Variants in SDR42E1 observed in about 807,000 individuals in gnomAD.
SDR42E1 encodes the protein short-chain dehydrogenase/reductase family 42E member 1.
In SDR42E1, 5 loss-of-function variants were observed where a neutral mutation model predicts 2.6. The ratio of observed to expected loss-of-function variants is 1.94; its 90% confidence interval spans 1.01 to 4.08. The LOEUF (loss-of-function observed/expected upper bound fraction) is 4.08, where lower values mean the gene tolerates loss of function less well. Among genes scored for constraint, SDR42E1 ranks in the 30% most tolerant of loss-of-function variants. The pLI is 0.00. For missense variants in SDR42E1, 596 were observed against 478.6 expected (o/e 1.25, Z -2.29); for synonymous variants, 231 against 188.3 (o/e 1.23, Z -1.86).
chr16:82,007,323 T>G (rs1355983412), intron 1 of SDR42E1, among the ~76,000 whole-genome samples: 2 of 152,224 alleles, frequency 1.3e-5, no homozygotes, highest in African/African-American at 4.8e-5. Flanking sequence ...TACCAAGTAA[T>G]TGAATTAATA....
At chr16:82,008,934 C>T (rs538859034) in intron 1 of SDR42E1, among the ~76,000 whole-genome samples, 3 of 152,326 alleles carry the variant, frequency 2.0e-5, no homozygotes, top group South Asian at 2.1e-4. Flanking sequence ...CTGCTCTATG[C>T]AGCCTAGGGA....
In SDR42E1 at chr16:81,999,860, G is replaced by T; in HGVS notation, c.433C>A (p.Leu145Ile). 1 of 1,614,216 alleles carries T rather than the reference G, an allele frequency of 6.2e-7. No homozygotes were observed. Among genetic ancestry groups the T allele is most frequent in the Non-Finnish European group, 8.5e-7 (1 of 1,180,044 alleles). ...NGDESLPYLP[L>I]HLHPDHYSRT... is the part of the protein sequence containing the mutation. ...GAGTAGTGATCAGGGTGGAGGTGAA[G>T]AGGCAGGTAGGGCAGAGATTCATCC... The change falls in exon 3 of 3, where the codon CTT becomes ATT. Residue 145 changes from leucine to isoleucine, a missense_variant. By Grantham distance (5) the Leu-to-Ile change is conservative. Coordinates refer to ENST00000328945, the MANE Select transcript of SDR42E1 (RefSeq NM_145168.3).
At position 82,000,234 on chromosome 16, in the gene SDR42E1, G is replaced by T. The variant is rs756037815; in HGVS notation, c.69-10C>A. The T allele has an allele frequency of 6.2e-7, 1 of 1,602,476 alleles. No individual in the cohort carries two copies. Among genetic ancestry groups the T allele is most frequent in the Non-Finnish European group, 8.5e-7 (1 of 1,177,448 alleles). On this transcript the variant is annotated splice_polypyrimidine_tract_variant and intron_variant, in intron 2 of 2. Coordinates refer to ENST00000328945, the MANE Select transcript of SDR42E1 (RefSeq NM_145168.3). ...CAGGGCACAGCCCAGGCTGAAATAA[G>T]AAACAGTAAACGTTGAATCAAGTCA... is the stretch of plus-strand genomic sequence containing the variant.
At position 81,994,388 on chromosome 16, in the gene SDR42E1, A is replaced by T. The variant is rs757943612; in HGVS notation, c.*4723T>A. On this transcript the variant is annotated 3_prime_UTR_variant, in exon 3 of 3. Transcript: ENST00000328945. ...AATCCTAGCTGAAAGGGTTTCTCTA[A>T]ACCTGCTCTGGGAGAAAGGCTGAAA... 6.6e-6 allele frequency: 1 copy of T among 152,228 alleles called. No homozygotes were observed. Among genetic ancestry groups the T allele is most frequent in the Non-Finnish European group, 1.5e-5 (1 of 68,058 alleles). The allele number at this position is 152,228 out of a possible 1,614,324, so 9.4% of individuals were successfully genotyped here. A position where few individuals can be genotyped will look rare whatever the true frequency, so the allele number is the denominator to read the frequency against.
At chr16:82,008,084 G>A (rs1250900771) in intron 1 of SDR42E1, among the ~76,000 whole-genome samples, 1 of 152,084 alleles carries the variant, frequency 6.6e-6, no homozygotes, top group Non-Finnish European at 1.5e-5. Flanking sequence ...AACATCTGAT[G>A]ATTTTATAAA....
At chr16:82,001,262 T>A (rs930629961) in intron 1 of SDR42E1, among the ~76,000 whole-genome samples, 4 of 152,152 alleles carry the variant, frequency 2.6e-5, no homozygotes, top group African/African-American at 9.7e-5. Flanking sequence ...GAAGAGGCAT[T>A]TCCCCCCCAT....
Position 81,993,637 on chromosome 16 carries a change from G to A in SDR42E1, c.*5474C>T, listed in dbSNP as rs984104500. On this transcript the variant is annotated 3_prime_UTR_variant, in exon 3 of 3. Coordinates refer to ENST00000328945, the MANE Select transcript of SDR42E1 (RefSeq NM_145168.3). ...AGAAGCAATAACTGGGGAATCAGCTGTAATTTCAGATAAGGGACCACCTGG... is the reference window on the plus strand; with the variant it reads ...AGAAGCAATAACTGGGGAATCAGCTATAATTTCAGATAAGGGACCACCTGG... The A allele has an allele frequency of 1.3e-5, 2 of 152,176 alleles. No homozygotes were observed. Among genetic ancestry groups the A allele is most frequent in the Admixed American group, 6.5e-5 (1 of 15,268 alleles). The allele number at this position is 152,176 out of a possible 1,614,324, so 9.4% of individuals were successfully genotyped here.
rs1196326921 is a variant in SDR42E1 at position 81,998,325 on chromosome 16, T to A, written c.*786A>T. 5 of 152,196 alleles carry A rather than the reference T, an allele frequency of 3.3e-5. No homozygotes were observed. The highest frequency in any genetic ancestry group is 3.3e-4 in the Admixed American group (5 of 15,288). 9.4% of individuals were successfully genotyped at this position (152,196 alleles called of 1,614,324 possible). On this transcript the variant is annotated 3_prime_UTR_variant, in exon 3 of 3. Transcript: ENST00000328945. ...AATAGAGTATATCCAAATACACTTG[T>A]TGCAGGCTCTGAGGGCACACCCAAA...
intron 2 of SDR42E1, 123 bp downstream of exon 2, chr16:82,000,668 C>T: frequency 1.4e-6 from 1 of 732,170 alleles, no homozygotes; most frequent in Middle Eastern, 3.5e-4. Context: ...CAGTGGGCAA[C>T]ACAGATCATT....
intron 1 of SDR42E1, among the ~76,000 whole-genome samples, chr16:82,008,180 G>A (rs1260799696): frequency 2.0e-5 from 3 of 152,146 alleles, no homozygotes; most frequent in Admixed American, 6.5e-5. Flanking sequence ...ATGATTATGA[G>A]GCCTCCCCAG....
intron 1 of SDR42E1, among the ~76,000 whole-genome samples, chr16:82,002,296 C>A (rs1327356792): frequency 6.6e-6 from 1 of 152,136 alleles, no homozygotes. Context: ...GACGTCTCGC[C>A]TCCGCCCTTA....
In SDR42E1 at chr16:81,999,574, C is replaced by G. The variant is rs1277709699; in HGVS notation, c.719G>C (p.Arg240Thr). 6.2e-7 allele frequency: 1 copy of G among 1,614,128 alleles called. No individual in the cohort carries two copies. The highest frequency in any genetic ancestry group is 8.5e-7 in the Non-Finnish European group (1 of 1,180,040). ...QAHILASEAL[R>T]ADKGHIASGQ... ...AGAGGCAATATGGCCCTTGTCAGCT[C>G]TCAGGGCTTCTGAGGCCAGAATGTG... Residue 240 changes from arginine to threonine, a missense_variant, in exon 3 of 3, where the codon AGA (arginine) becomes ACA (threonine). Physicochemically the swap from Arg to Thr is moderately conservative, Grantham distance 71. Transcript: ENST00000328945.
intron 1 of SDR42E1, among the ~76,000 whole-genome samples, chr16:82,004,971 G>A (rs1267861923): frequency 6.6e-6 from 1 of 152,226 alleles, no homozygotes; most frequent in Non-Finnish European, 1.5e-5. Flanking sequence ...AAATGTTCTT[G>A]TCTGGTTGAA....
At chr16:82,009,470 G>T (rs779202796) in intron 1 of SDR42E1, among the ~76,000 whole-genome samples, 4 of 152,234 alleles carry the variant, frequency 2.6e-5, no homozygotes, top group Non-Finnish European at 5.9e-5. Context: ...CCTGGATATG[G>T]GACACGGAGT....
Position 81,997,688 on chromosome 16 carries a change from AT to A in SDR42E1, c.*1422del, listed in dbSNP as rs1328970815. The A allele has an allele frequency of 6.6e-6, 1 of 152,210 alleles. No homozygotes were observed. Among genetic ancestry groups the A allele is most frequent in the Non-Finnish European group, 1.5e-5 (1 of 68,040 alleles). The allele number at this position is 152,210 out of a possible 1,614,324, so 9.4% of individuals were successfully genotyped here. ...TTTATATTAGAAGTACTTTCACCAC[AT>A]CTTGCTTTATGCTCCCAGTGAACCC... On this transcript the variant is annotated 3_prime_UTR_variant, in exon 3 of 3. Coordinates refer to ENST00000328945, the MANE Select transcript of SDR42E1 (RefSeq NM_145168.3).
chr16:81,989,096 G>C lies in SDR42E1; in HGVS notation c.*10015C>G, dbSNP rs1455479078. 6.6e-6 allele frequency: 1 copy of C among 152,182 alleles called. No homozygotes were observed. Among genetic ancestry groups the C allele is most frequent in the Non-Finnish European group, 1.5e-5 (1 of 68,032 alleles). The allele number at this position is 152,182 out of a possible 1,614,324, so 9.4% of individuals were successfully genotyped here. A position where few individuals can be genotyped will look rare whatever the true frequency, so the allele number is the denominator to read the frequency against. ...TATACAAAATGGGACATACCTGAGA[G>C]TGAAAGGAAGCACTATTAAAAATTA... is the stretch of plus-strand genomic sequence containing the variant. On this transcript the variant is annotated 3_prime_UTR_variant, in exon 3 of 3. Transcript: ENST00000328945.
chr16:81,999,245 A>G lies in SDR42E1; in HGVS notation c.1048T>C (p.Phe350Leu), dbSNP rs761114323. The change falls in exon 3 of 3, where the codon TTT becomes CTT. Residue 350 changes from phenylalanine (F) to leucine (L), a missense_variant. Coordinates refer to ENST00000328945, the MANE Select transcript of SDR42E1 (RefSeq NM_145168.3). ...CTTCTGCCATGACCATGGGCTTTAAACCATTCCACTGCTTCCTGGAGGTCA... is the reference window on the plus strand; with the variant it reads ...CTTCTGCCATGACCATGGGCTTTAAGCCATTCCACTGCTTCCTGGAGGTCA... ...PFDLQEAVEW[F>L]KAHGHGRSSG... The G allele has an allele frequency of 6.8e-6, 11 of 1,614,186 alleles. No individual in the cohort carries two copies. The highest frequency in any genetic ancestry group is 9.3e-6 in the Non-Finnish European group (11 of 1,180,024).
chr16:81,999,587 A>G lies in SDR42E1; in HGVS notation c.706T>C (p.Ser236Pro). ...DNLVQAHILA[S>P]EALRADKGHI... ...CCCTTGTCAGCTCTCAGGGCTTCTG[A>G]GGCCAGAATGTGAGCCTGCACCAAG... The change falls in exon 3 of 3, where the codon TCA becomes CCA. Residue 236 changes from serine (S) to proline (P), a missense_variant. Coordinates refer to ENST00000328945, the MANE Select transcript of SDR42E1 (RefSeq NM_145168.3). The G allele has an allele frequency of 6.2e-7, 1 of 1,614,094 alleles. No individual in the cohort carries two copies. Among genetic ancestry groups the G allele is most frequent in the Middle Eastern group, 1.7e-4 (1 of 6,038 alleles).
chr16:82,003,484 T>C (rs1200185097), intron 1 of SDR42E1, among the ~76,000 whole-genome samples: 1 of 152,212 alleles, frequency 6.6e-6, no homozygotes, highest in Non-Finnish European at 1.5e-5. Flanking sequence ...TGGTCACAAT[T>C]TCCCACTCTT....
Sources: gnomAD v4.1 joint callset for allele counts (sites outside exome capture counted in the v4.1 genomes callset) on GRCh38, gnomAD v4.1.1 for gene constraint, MANE v1.5 for transcripts, NCBI Gene and HGNC (gene_info 2026-07-23, HGNC 2026-07-21) for gene names.